TMPRSS11A: variants seen among roughly 807,000 people sequenced by gnomAD.
TMPRSS11A encodes transmembrane serine protease 11A.
Under a neutral mutation model 58.9 loss-of-function variants are expected in TMPRSS11A, and 53 were observed. The ratio of observed to expected loss-of-function variants is 0.90; its 90% CI spans 0.72 to 1.13. TMPRSS11A has a LOEUF of 1.13. TMPRSS11A is among the 50% of genes most tolerant of loss of function. The probability of loss-of-function intolerance (pLI) is 0.00; values close to 1 mark genes in which losing one functional copy is unlikely to be tolerated. For synonymous variants in TMPRSS11A, 167 were observed against 169.8 expected, an observed-to-expected ratio of 0.98 and a Z score of 0.13; for missense variants, 493 against 499.3, an observed-to-expected ratio of 0.99 and a Z score of 0.12.
intron 8 of TMPRSS11A, among the ~76,000 whole-genome samples, chr4:67,915,077 A>G (rs2109733286): frequency 6.6e-6 from 1 of 152,254 alleles, no homozygotes. Context: ...GAAACTCTGC[A>G]TGCCTAGATG....
Position 67,914,782 on chromosome 4 carries a change from G to A in TMPRSS11A, c.953-52C>T, listed in dbSNP as rs375841865. ...TATTTACAATCAGCATCTTTGGCTA[G>A]AGTGAAGTGAGCAGACTTTCCTAAT... On this transcript the variant is annotated intron_variant, in intron 8 of 9. Coordinates refer to ENST00000508048, the MANE Select transcript of TMPRSS11A (RefSeq NM_001114387.2). The A allele has an allele frequency of 2.5e-5, 37 of 1,495,152 alleles. No individual in the cohort carries two copies. The African/African-American group carries it at 5.0e-4, about 20-fold the overall frequency. The allele number at this position is 1,495,152 out of a possible 1,614,324, so 92.6% of individuals were successfully genotyped here.
chr4:67,963,314 A>G, intron 1 of TMPRSS11A, 69 bp downstream of exon 1: 1 of 1,553,240 alleles, frequency 6.4e-7, no homozygotes, highest in South Asian at 1.1e-5. Context: ...GTCCTCTTAC[A>G]CATCAGGAAT....
At chr4:67,948,710 C>G (rs1347722902) in intron 1 of TMPRSS11A, among the ~76,000 whole-genome samples, 1 of 152,146 alleles carries the variant, frequency 6.6e-6, no homozygotes, top group African/African-American at 2.4e-5. Context: ...TTGAATAGAA[C>G]AACAAACAGA....
Position 67,929,934 on chromosome 4 carries a change from T to G in TMPRSS11A, c.427A>C (p.Lys143Gln), listed in dbSNP as rs752039547. The change falls in exon 5 of 10, where the codon AAG becomes CAG. Residue 143 changes from lysine to glutamine, a missense_variant. Physicochemically the swap from Lys to Gln is moderately conservative, Grantham distance 53 (BLOSUM62 1). Coordinates refer to ENST00000508048, the MANE Select transcript of TMPRSS11A (RefSeq NM_001114387.2). ...EKKIQSILNQ[K>Q]IRNLRALPIN... ...GGCAAGGCTCTTAAATTCCTTATCT[T>G]CTGATTTAAGATGCTTTGGATTTTC... 1.9e-6 allele frequency: 3 copies of G among 1,613,808 alleles called. No homozygotes were observed. In the South Asian group the frequency reaches 3.3e-5, roughly 18 times the overall value.
At chr4:67,913,644 C>G (rs1720064637) in intron 9 of TMPRSS11A, among the ~76,000 whole-genome samples, 1 of 152,150 alleles carries the variant, frequency 6.6e-6, no homozygotes, top group African/African-American at 2.4e-5. Flanking sequence ...TGGTATGGAC[C>G]TTTTGTTGGA....
chr4:67,957,408 T>C (rs1721313757), intron 1 of TMPRSS11A, among the ~76,000 whole-genome samples: 1 of 152,110 alleles, frequency 6.6e-6, no homozygotes, highest in African/African-American at 2.4e-5. Flanking sequence ...TTGTCTCAGA[T>C]GGAGATAAGG....
intron 5 of TMPRSS11A, among the ~76,000 whole-genome samples, chr4:67,929,192 G>A (rs376384189): frequency 2.0e-4 from 31 of 151,956 alleles, no homozygotes; most frequent in African/African-American, 6.3e-4. Flanking sequence ...ATTTGCGTAC[G>A]TCACTGGAAT....
intron 3 of TMPRSS11A, 52 bp from the exon 4 acceptor site, chr4:67,932,112 G>C: frequency 9.8e-7 from 1 of 1,017,028 alleles, no homozygotes; most frequent in Non-Finnish European, 1.5e-6. Context: ...TTTATAATAG[G>C]AATATATCCT....
Position 67,922,783 on chromosome 4 carries a change from G to A in TMPRSS11A, c.664C>T (p.Leu222Phe), listed in dbSNP as rs760501648. 1 of 1,614,112 alleles carries A rather than the reference G, an allele frequency of 6.2e-7. No individual in the cohort carries two copies. The highest frequency in any genetic ancestry group is 1.1e-5 in the South Asian group (1 of 91,074). ...CGATLISNTW[L>F]VTAAHCFQKY... Reference sequence around the variant, plus strand: ...TGGAAGCAGTGTGCTGCAGTGACAAGCCATGTGTTACTAATCAAGGTGGCC... The same window carrying A: ...TGGAAGCAGTGTGCTGCAGTGACAAACCATGTGTTACTAATCAAGGTGGCC... Residue 222 changes from leucine (L) to phenylalanine (F), a missense_variant, in exon 7 of 10, where the codon CTT becomes TTT. Leu to Phe is a conservative substitution (Grantham distance 22). Transcript: ENST00000508048.
intron 7 of TMPRSS11A, among the ~76,000 whole-genome samples, chr4:67,919,788 A>C (rs914422689): frequency 1.3e-5 from 2 of 152,142 alleles, no homozygotes; most frequent in Non-Finnish European, 2.9e-5. Flanking sequence ...TGAGGGAAAC[A>C]AGTTTCCAGG....
Position 67,952,798 on chromosome 4 carries a change from A to G in TMPRSS11A, c.12-6227T>C, listed in dbSNP as rs995824798. The stretch of plus-strand genomic sequence containing the variant: ...CATATCTTCTTCCCCCTAAGTGTGC[A>G]AGATCCTGAAGATGGTGAATAAATC... On this transcript the variant is annotated intron_variant, in intron 1 of 9. Transcript: ENST00000508048. 3.3e-5 allele frequency among the ~76,000 whole-genome samples: 5 copies of G among 152,332 alleles called. 1 individual carries two copies. The highest frequency in any genetic ancestry group is 1.2e-4 in the African/African-American group (5 of 41,578).
In TMPRSS11A at chr4:67,909,554, A is replaced by G. The variant is rs1719913586; in HGVS notation, c.*1788T>C. On this transcript the variant is annotated 3_prime_UTR_variant, in exon 10 of 10. Coordinates refer to ENST00000508048, the MANE Select transcript of TMPRSS11A (RefSeq NM_001114387.2). ...ACATCCAAAGTCAGCATTAAGTTTTACCACCATAATATAGAATAATTTATA... is the reference window on the plus strand; with the variant it reads ...ACATCCAAAGTCAGCATTAAGTTTTGCCACCATAATATAGAATAATTTATA... 6.6e-6 allele frequency: 1 copy of G among 152,198 alleles called. No individual in the cohort carries two copies. The highest frequency in any genetic ancestry group is 2.4e-5 in the African/African-American group (1 of 41,468). 9.4% of individuals were successfully genotyped at this position (152,198 alleles called of 1,614,324 possible). A position where few individuals can be genotyped will look rare whatever the true frequency, so the allele number is the denominator to read the frequency against.
At chr4:67,961,212 A>G (rs59377457) in intron 1 of TMPRSS11A, among the ~76,000 whole-genome samples, 27,315 of 152,066 alleles carry the variant, frequency 0.18, 3,043 homozygotes, top group East Asian at 0.44. Context: ...GTTTCTTGTT[A>G]ATGGAGAAGT....
At chr4:67,919,352 T>C in intron 7 of TMPRSS11A, 120 bp from the exon 8 acceptor site, 3 of 878,640 alleles carry the variant, frequency 3.4e-6, no homozygotes, top group South Asian at 1.8e-5. Flanking sequence ...GCTGCAGTTA[T>C]AGTTTTCTTT....
Position 67,914,067 on chromosome 4 carries a change from T to C in TMPRSS11A, c.1095+521A>G, listed in dbSNP as rs1720077512. Among the ~76,000 whole-genome samples, 5 of 152,340 alleles carry C rather than the reference T, an allele frequency of 3.3e-5. No individual in the cohort carries two copies. In the South Asian group the frequency reaches 8.3e-4, roughly 25 times the overall value. ...CTCATGCTGAGACCCAACCAATTAC[T>C]TGGAGTTCCCTCAGATATGAATTGT... On this transcript the variant is annotated intron_variant, in intron 9 of 9. Coordinates refer to ENST00000508048, the MANE Select transcript of TMPRSS11A (RefSeq NM_001114387.2).
chr4:67,929,337 A>G (rs1720551558), intron 5 of TMPRSS11A, among the ~76,000 whole-genome samples: 1 of 152,238 alleles, frequency 6.6e-6, no homozygotes, highest in South Asian at 2.1e-4. Flanking sequence ...AAGTGGAACA[A>G]TGTACACATA....
rs1235799049 is a variant in TMPRSS11A, at chr4:67,909,927, T to C, written c.*1415A>G. The stretch of plus-strand genomic sequence containing the variant: ...AACTGCATATCTCTTTTAGATATTT[T>C]AGGATTATTTTCATGCCTTCTCAAT... On this transcript the variant is annotated 3_prime_UTR_variant, in exon 10 of 10. Transcript: ENST00000508048. The C allele has an allele frequency of 6.6e-6, 1 of 152,080 alleles. No individual in the cohort carries two copies. The highest frequency in any genetic ancestry group is 1.5e-5 in the Non-Finnish European group (1 of 67,938). 9.4% of individuals were successfully genotyped at this position (152,080 alleles called of 1,614,324 possible). A position where few individuals can be genotyped will look rare whatever the true frequency, so the allele number is the denominator to read the frequency against.
intron 9 of TMPRSS11A, among the ~76,000 whole-genome samples, chr4:67,911,872 G>A (rs1483655032): frequency 1.3e-5 from 2 of 152,028 alleles, no homozygotes; most frequent in African/African-American, 4.8e-5. Flanking sequence ...CTTATCACTA[G>A]ATAATATGCT....
chr4:67,954,431 T>C (rs905096457), intron 1 of TMPRSS11A, among the ~76,000 whole-genome samples: 1 of 152,220 alleles, frequency 6.6e-6, no homozygotes, highest in Non-Finnish European at 1.5e-5. Flanking sequence ...CTAGCATCCA[T>C]CTGACCCTAA....
Sources: gnomAD v4.1 joint callset for allele counts (sites outside exome capture counted in the v4.1 genomes callset) on GRCh38, gnomAD v4.1.1 for gene constraint, MANE v1.5 for transcripts, NCBI Gene and HGNC (gene_info 2026-07-23, HGNC 2026-07-21) for gene names.